KDM4B: variants seen among roughly 807,000 people sequenced by gnomAD.
KDM4B encodes the protein lysine-specific demethylase 4B.
KDM4B carries 32 observed loss-of-function variants against 125.2 expected under a neutral mutation model. The observed-to-expected ratio is 0.26, with a 90% confidence interval of 0.19 to 0.34. KDM4B has a LOEUF of 0.34. Among genes scored for constraint, KDM4B ranks in the 10% least tolerant of loss-of-function variants. The pLI is 1.00. For missense variants in KDM4B, 1,190 were observed against 1,577.7 expected (o/e 0.75, Z 4.16); for synonymous variants, 721 against 677.9 (o/e 1.06, Z -0.99).
At chr19:5,049,391 G>A (rs2037147211) in intron 6 of KDM4B, among the ~76,000 whole-genome samples, 3 of 152,128 alleles carry the variant, frequency 2.0e-5, no homozygotes, top group African/African-American at 4.8e-5. Context: ...AGGGGAGACA[G>A]CTGGGGCGGG....
At chr19:5,090,413 T>TCCCCCTCTGTCTCTCTCTCTCCCCCCC (rs1568291558) in intron 9 of KDM4B, among the ~76,000 whole-genome samples, 1 of 35,522 alleles carries the variant, frequency 2.8e-5, no homozygotes, top group Admixed American at 3.2e-4. Flanking sequence ...TCTCTCCCCC[T>TCCCCCTCTGTCTCTCTCTCTCCCCCCC]CTCCCCCTCT....
chr19:5,018,984 C>G lies in KDM4B; in HGVS notation c.-26+2645C>G, dbSNP rs1173755225. On this transcript the variant is annotated intron_variant, in intron 2 of 22. Transcript: ENST00000159111. Reference sequence around the variant, plus strand: ...GATGGGCGCTCATGTGGCCTCCTCTCTGGCTATTGGGAGTCGTGCTGCTGT... The same window carrying G: ...GATGGGCGCTCATGTGGCCTCCTCTGTGGCTATTGGGAGTCGTGCTGCTGT... Among the ~76,000 whole-genome samples, 3 of 152,224 alleles carry G rather than the reference C, an allele frequency of 2.0e-5. No individual in the cohort carries two copies. The East Asian group carries it at 5.8e-4, about 29-fold the overall frequency.
intron 1 of KDM4B, among the ~76,000 whole-genome samples, chr19:4,981,508 G>C (rs772171978): frequency 2.6e-5 from 4 of 152,172 alleles, no homozygotes; most frequent in Non-Finnish European, 5.9e-5. Context: ...ACAGGGTTGT[G>C]AGCCTTAGGA....
At chr19:5,085,231 G>A (rs577188792) in intron 9 of KDM4B, among the ~76,000 whole-genome samples, 1 of 152,348 alleles carries the variant, frequency 6.6e-6, no homozygotes. Context: ...AATGTCTCTA[G>A]TGAAGACTCT....
At chr19:5,087,157 T>A (rs1165976436) in intron 9 of KDM4B, among the ~76,000 whole-genome samples, 1 of 152,184 alleles carries the variant, frequency 6.6e-6, no homozygotes, top group Non-Finnish European at 1.5e-5. Flanking sequence ...TCACTCCCCA[T>A]CAGCAGAATG....
At chr19:5,121,309 G>A (rs927649361) in intron 11 of KDM4B, among the ~76,000 whole-genome samples, 1 of 152,192 alleles carries the variant, frequency 6.6e-6, no homozygotes, top group Non-Finnish European at 1.5e-5. Flanking sequence ...TGGGCCCTGC[G>A]TCTGTTCAGC....
chr19:5,084,139 TG>T, intron 9 of KDM4B, among the ~76,000 whole-genome samples: 1 of 151,690 alleles, frequency 6.6e-6, no homozygotes, highest in African/African-American at 2.4e-5. Context: ...CCCAGCTACT[TG>T]GGAGACTGAG....
In KDM4B at chr19:5,115,248, G is replaced by A. The variant is rs758096811; in HGVS notation, c.1116-4405G>A. On this transcript the variant is annotated intron_variant, in intron 10 of 22. Transcript: ENST00000159111. This position sits in a 1 kb window ranked among gnomAD's most constrained non-coding sequence, Gnocchi z 4.2. ...CCACGGGGCCTCAGAAAGACACAGCGGGCAAACATGGGCAGCCCCTGGGGG... is the reference window on the plus strand; with the variant it reads ...CCACGGGGCCTCAGAAAGACACAGCAGGCAAACATGGGCAGCCCCTGGGGG... Among the ~76,000 whole-genome samples the A allele has an allele frequency of 5.3e-5, 8 of 152,098 alleles. No individual in the cohort carries two copies. In the East Asian group the frequency reaches 7.7e-4, roughly 15 times the overall value.
intron 18 of KDM4B, among the ~76,000 whole-genome samples, chr19:5,139,374 G>C (rs571296877): frequency 1.3e-5 from 2 of 152,344 alleles, no homozygotes; most frequent in Admixed American, 1.3e-4. Context: ...GGCTGTTGTG[G>C]GTTGCGCCGC....
Position 5,137,682 on chromosome 19 carries a change from T to A in KDM4B, c.2441+6T>A. On this transcript the variant is annotated splice_donor_region_variant and intron_variant, in intron 17 of 22. Coordinates refer to ENST00000159111, the MANE Select transcript of KDM4B (RefSeq NM_015015.3). Reference sequence around the variant, plus strand: ...CAGATGACCACCGATAGGAGGTGGGTGGCACCGCGCGTTGGGGCTGGAGGG... The same window carrying A: ...CAGATGACCACCGATAGGAGGTGGGAGGCACCGCGCGTTGGGGCTGGAGGG... The A allele has an allele frequency of 6.3e-7, 1 of 1,580,984 alleles. No homozygotes were observed. Among genetic ancestry groups the A allele is most frequent in the Non-Finnish European group, 8.6e-7 (1 of 1,166,758 alleles).
intron 11 of KDM4B, among the ~76,000 whole-genome samples, chr19:5,120,095 A>G (rs1599226903): frequency 6.6e-6 from 1 of 152,310 alleles, no homozygotes; most frequent in African/African-American, 2.4e-5. Context: ...AGTGGCTCCC[A>G]CCTGTAATCC....
Position 5,141,755 on chromosome 19 carries a change from G to A in KDM4B, c.2551-2212G>A, listed in dbSNP as rs138083510. Among the ~76,000 whole-genome samples the A allele has an allele frequency of 2.6e-5, 4 of 152,184 alleles. No individual in the cohort carries two copies. The highest frequency in any genetic ancestry group is 7.2e-5 in the African/African-American group (3 of 41,430). On this transcript the variant is annotated intron_variant, in intron 18 of 22. Coordinates refer to ENST00000159111, the MANE Select transcript of KDM4B (RefSeq NM_015015.3). The surrounding 1 kb of genome is among the most constrained non-coding windows in gnomAD (Gnocchi z 6.4). The stretch of plus-strand genomic sequence containing the variant: ...AAGTTATCACCACGTTCTCAAGGCC[G>A]TGCTGCTGAGAAGCTTCTCACCTAC...
At chr19:5,058,468 C>T (rs186401830) in intron 6 of KDM4B, among the ~76,000 whole-genome samples, 2,048 of 152,060 alleles carry the variant, frequency 0.013, 44 homozygotes, top group African/African-American at 0.046. Context: ...GGAGCAGGGG[C>T]GGGAAGGGGG....
intron 15 of KDM4B, among the ~76,000 whole-genome samples, chr19:5,136,967 C>G (rs1444010639): frequency 6.6e-6 from 1 of 152,222 alleles, no homozygotes; most frequent in African/African-American, 2.4e-5. Flanking sequence ...AAGACACCAC[C>G]AGGCTGAGCG....
At position 5,130,469 on chromosome 19, in the gene KDM4B, G is replaced by A. The variant is rs190633919; in HGVS notation, c.1316-607G>A. ...CATTGCTGGCCCCGGGGAGTTCCAC[G>A]CGGAAGGGTGTCGGGCCCCACAGGC... On this transcript the variant is annotated intron_variant, in intron 11 of 22. Transcript: ENST00000159111. 2.5e-3 allele frequency among the ~76,000 whole-genome samples: 380 copies of A among 152,352 alleles called. 2 individuals are homozygous for A. The highest frequency in any genetic ancestry group is 8.6e-3 in the African/African-American group (359 of 41,582).
chr19:5,111,799 C>T (rs754776759), intron 10 of KDM4B: 1 of 765,226 alleles, frequency 1.3e-6, no homozygotes, highest in South Asian at 1.3e-5. Flanking sequence ...GTCTCGACGT[C>T]TCGACTCCGC....
At chr19:5,099,043 T>C (rs368259581) in intron 9 of KDM4B, among the ~76,000 whole-genome samples, 42 of 152,360 alleles carry the variant, frequency 2.8e-4, no homozygotes, top group African/African-American at 9.9e-4. Flanking sequence ...TCTTTCCTTT[T>C]GGCAGAGATA....
intron 7 of KDM4B, among the ~76,000 whole-genome samples, chr19:5,072,339 G>A (rs2037975527): frequency 6.6e-6 from 1 of 152,180 alleles, no homozygotes; most frequent in South Asian, 2.1e-4. Flanking sequence ...GGACGGAGGG[G>A]AAGGGAGTCC....
At chr19:4,996,972 C>T (rs1347745933) in intron 1 of KDM4B, among the ~76,000 whole-genome samples, 1 of 152,066 alleles carries the variant, frequency 6.6e-6, no homozygotes, top group Non-Finnish European at 1.5e-5. Context: ...CCACAGACAG[C>T]CCCAGACCTC....
Sources: gnomAD v4.1 joint callset for allele counts (sites outside exome capture counted in the v4.1 genomes callset) on GRCh38, gnomAD v4.1.1 for gene constraint, Gnocchi (gnomAD v3.1) non-coding constraint, MANE v1.5 for transcripts, NCBI Gene and HGNC (gene_info 2026-07-23, HGNC 2026-07-21) for gene names.